The following ATP6V0A2 variants were observed in gnomAD, a reference collection of about 807,000 sequenced individuals.
ATP6V0A2 encodes V-type proton ATPase 116 kDa subunit a 2.
In ATP6V0A2, 58 loss-of-function variants were observed where a neutral mutation model predicts 104.4. That is an observed-to-expected ratio of 0.56 (90% CI 0.45 to 0.69). The LOEUF (loss-of-function observed/expected upper bound fraction) is 0.69. ATP6V0A2 is among the 30% of genes least tolerant of loss of function. The pLI is 0.00. For missense variants in ATP6V0A2, 938 were observed against 1,062.9 expected (o/e 0.88, Z 1.63); for synonymous variants, 376 against 397.9 (o/e 0.95, Z 0.65).
chr12:123,718,497 GTT>G (rs1956366191), intron 1 of ATP6V0A2, 124 bp from the exon 2 acceptor site: 3 of 674,610 alleles, frequency 4.4e-6, no homozygotes, highest in Non-Finnish European at 7.5e-6. Context: ...AGTTGTGTCA[GTT>G]TATAGTTTCA....
intron 1 of ATP6V0A2, 89 bp downstream of exon 1, chr12:123,712,771 C>A: frequency 9.1e-7 from 1 of 1,098,054 alleles, no homozygotes; most frequent in Non-Finnish European, 1.3e-6. Flanking sequence ...CGGGGAGCAC[C>A]GAGGAAGGGC....
At chr12:123,722,786 A>C (rs1956412527) in intron 3 of ATP6V0A2, among the ~76,000 whole-genome samples, 1 of 152,152 alleles carries the variant, frequency 6.6e-6, no homozygotes, top group African/African-American at 2.4e-5. Flanking sequence ...AGCTCATCCC[A>C]GGGTCACCCA....
chr12:123,755,738 G>T (rs891142066), intron 18 of ATP6V0A2, among the ~76,000 whole-genome samples: 2 of 151,126 alleles, frequency 1.3e-5, no homozygotes, highest in African/African-American at 4.9e-5. Context: ...ATGTTTCAAA[G>T]ATAGATTTAC....
chr12:123,713,955 T>C (rs898236204), intron 1 of ATP6V0A2, among the ~76,000 whole-genome samples: 1 of 152,000 alleles, frequency 6.6e-6, no homozygotes, highest in Non-Finnish European at 1.5e-5. Context: ...CAGGCGAGGG[T>C]GCAGGTAAGA....
At chr12:123,755,976 G>T (rs1411699724) in intron 18 of ATP6V0A2, among the ~76,000 whole-genome samples, 2 of 151,360 alleles carry the variant, frequency 1.3e-5, no homozygotes, top group African/African-American at 4.9e-5. Flanking sequence ...AGCTACTCAG[G>T]AGGCTGAGGC....
chr12:123,720,435 G>A (rs1218632764), intron 2 of ATP6V0A2, among the ~76,000 whole-genome samples: 4 of 152,282 alleles, frequency 2.6e-5, no homozygotes, highest in Non-Finnish European at 5.9e-5. Context: ...GATGGCTCAC[G>A]CCTATAATTC....
chr12:123,752,594 C>T (rs749803347), intron 17 of ATP6V0A2, among the ~76,000 whole-genome samples, 192 bp downstream of exon 17: 3 of 152,140 alleles, frequency 2.0e-5, no homozygotes, highest in Non-Finnish European at 2.9e-5. Flanking sequence ...TATATGAGTT[C>T]GGGTCATTTT....
At chr12:123,742,477 G>C (rs1030640007) in intron 9 of ATP6V0A2, among the ~76,000 whole-genome samples, 2 of 152,136 alleles carry the variant, frequency 1.3e-5, no homozygotes, top group African/African-American at 4.8e-5. Context: ...AGGGGACTTG[G>C]GGACGTTCAA....
intron 5 of ATP6V0A2, among the ~76,000 whole-genome samples, chr12:123,726,874 A>G (rs1956453052): frequency 6.6e-6 from 1 of 152,080 alleles, no homozygotes; most frequent in African/African-American, 2.4e-5. Context: ...AATCATTTAT[A>G]TTTTTCTCAG....
rs760459265 is a variant in ATP6V0A2 at position 123,743,841 on chromosome 12, A to AC, written c.1101dup (p.Thr368HisfsTer65). 1.2e-6 allele frequency: 2 copies of AC among 1,613,362 alleles called. No homozygotes were observed. Among genetic ancestry groups the AC allele is most frequent in the South Asian group, 1.1e-5 (1 of 91,054 alleles). On this transcript the variant is annotated frameshift_variant, in exon 10 of 20. Transcript: ENST00000330342. LOFTEE classifies it high-confidence loss of function. ...TGAATATAATCCCCACAAAAGAAACACCCCCCACTCGGATCCGCACCAACA... is the reference window on the plus strand; with the variant it reads ...TGAATATAATCCCCACAAAAGAAACACCCCCCCACTCGGATCCGCACCAACA...
intron 2 of ATP6V0A2, chr12:123,721,202 G>GTTTTT (rs1199482990): frequency 6.2e-6 from 1 of 161,316 alleles, no homozygotes; most frequent in Non-Finnish European, 1.4e-5. Flanking sequence ...GTTTTGTTTT[G>GTTTTT]TTTTGTTTTG....
In ATP6V0A2 at chr12:123,724,769, C is replaced by T. The variant is rs780788821; in HGVS notation, c.410C>T (p.Thr137Ile). The T allele has an allele frequency of 2.2e-5, 36 of 1,613,592 alleles. No homozygotes were observed. In the South Asian group the frequency reaches 3.5e-4, roughly 16 times the overall value. ...ACTCACATGCTGAGAGTGACAAAGA[C>T]CTTTGTGAAACGCAATGTTGAGGTA... ...EYTHMLRVTKTFVKRNVEFEP... is the reference protein window; with the variant it reads ...EYTHMLRVTKIFVKRNVEFEP... The change falls in exon 4 of 20, where the codon ACC becomes ATC. Residue 137 changes from threonine (T) to isoleucine (I), a missense_variant. By Grantham distance (89) the Thr-to-Ile change is moderately conservative. Coordinates refer to ENST00000330342, the MANE Select transcript of ATP6V0A2 (RefSeq NM_012463.4).
intron 1 of ATP6V0A2, among the ~76,000 whole-genome samples, chr12:123,716,541 G>A (rs539791522): frequency 3.9e-5 from 6 of 152,044 alleles, no homozygotes; most frequent in Admixed American, 2.6e-4. Context: ...CTGTAATCCC[G>A]GCACTTTGGG....
At chr12:123,751,065 A>C in intron 15 of ATP6V0A2, 45 bp from the exon 16 acceptor site, 1 of 1,613,492 alleles carries the variant, frequency 6.2e-7, no homozygotes, top group Middle Eastern at 1.7e-4. Context: ...CCCTGCAGGC[A>C]GGCCTTCACG....
chr12:123,760,699 A>G lies in ATP6V0A2; in HGVS notation c.*2667A>G, dbSNP rs975692486. 4 of 152,210 alleles carry G rather than the reference A, an allele frequency of 2.6e-5. No homozygotes were observed. The East Asian group carries it at 5.8e-4, about 22-fold the overall frequency. 9.4% of individuals were successfully genotyped at this position (152,210 alleles called of 1,614,324 possible). On this transcript the variant is annotated 3_prime_UTR_variant, in exon 20 of 20. Coordinates refer to ENST00000330342, the MANE Select transcript of ATP6V0A2 (RefSeq NM_012463.4). The stretch of plus-strand genomic sequence containing the variant: ...CTTCAGTAAACTAGACTTTGATTCA[A>G]CCTGCTGGGCTGGAGACTGTAATTG...
chr12:123,759,266 C>T lies in ATP6V0A2; in HGVS notation c.*1234C>T, dbSNP rs1335680484. The stretch of plus-strand genomic sequence containing the variant: ...CTAAATATAAATGAAGATATTTTAC[C>T]ATGAAGAGATTGCACTTATCCTTGA... On this transcript the variant is annotated 3_prime_UTR_variant, in exon 20 of 20. Transcript: ENST00000330342. 1 of 151,358 alleles carries T rather than the reference C, an allele frequency of 6.6e-6. No individual in the cohort carries two copies. The highest frequency in any genetic ancestry group is 2.5e-5 in the African/African-American group (1 of 40,788). 9.4% of individuals were successfully genotyped at this position (151,358 alleles called of 1,614,324 possible).
At position 123,744,074 on chromosome 12, in the gene ATP6V0A2, G is replaced by A; in HGVS notation, c.1190-127G>A. ...TATTTAAAAGTATAAGGTTTTAAAT[G>A]TAACCACACAATCCTATCTTGTGAA... On this transcript the variant is annotated intron_variant, in intron 10 of 19. Transcript: ENST00000330342. The surrounding 1 kb of genome is among the most constrained non-coding windows in gnomAD (Gnocchi z 5.4). 1 of 1,537,366 alleles carries A rather than the reference G, an allele frequency of 6.5e-7. No individual in the cohort carries two copies. Among genetic ancestry groups the A allele is most frequent in the Non-Finnish European group, 9.0e-7 (1 of 1,112,508 alleles).
intron 17 of ATP6V0A2, among the ~76,000 whole-genome samples, chr12:123,753,705 C>G (rs1414788412): frequency 6.6e-6 from 1 of 152,242 alleles, no homozygotes; most frequent in East Asian, 1.9e-4. Context: ...GTAGCGGCTC[C>G]CCGCAAAGAA....
chr12:123,718,465 T>C (rs1054455464), intron 1 of ATP6V0A2, among the ~76,000 whole-genome samples, 158 bp from the exon 2 acceptor site: 2 of 152,172 alleles, frequency 1.3e-5, no homozygotes, highest in African/African-American at 4.8e-5. Flanking sequence ...TTGGTAACAG[T>C]TGACAAATTG....
Sources: allele counts gnomAD v4.1 joint callset (sites outside exome capture counted in the v4.1 genomes callset), GRCh38; gene constraint gnomAD v4.1.1; non-coding constraint Gnocchi (gnomAD v3.1); transcripts MANE v1.5; gene names NCBI Gene and HGNC (gene_info 2026-07-23, HGNC 2026-07-21).